The following EYS variants were observed in gnomAD, a reference collection of about 807,000 sequenced individuals.
The protein encoded by EYS is EGF-like photoreceptor maintenance factor.
Under a neutral mutation model 282.1 loss-of-function variants are expected in EYS, and 250 were observed. The observed-to-expected ratio is 0.89, with a 90% CI of 0.80 to 0.98. The LOEUF (loss-of-function observed/expected upper bound fraction) is 0.98. Ranked by LOEUF, EYS falls within the 50% of genes least tolerant of loss-of-function variation. The pLI is 0.00. For synonymous variants in EYS, 1,355 were observed against 1,282.9 expected, an observed-to-expected ratio of 1.06 and a Z score of -1.20; for missense variants, 4,016 against 3,709.0, an observed-to-expected ratio of 1.08 and a Z score of -2.15.
intron 5 of EYS, among the ~76,000 whole-genome samples, chr6:65,435,283 C>A (rs1244494161): frequency 6.6e-6 from 1 of 151,760 alleles, no homozygotes; most frequent in African/African-American, 2.4e-5. Context: ...ATGATAAAGC[C>A]TTTATGAGAC....
intron 22 of EYS, among the ~76,000 whole-genome samples, chr6:64,662,954 C>A (rs77384923): frequency 0.016 from 2,361 of 152,190 alleles, 50 homozygotes; most frequent in East Asian, 0.11. Flanking sequence ...CTGTTTATAT[C>A]TAAACACACA....
chr6:65,515,580 A>T (rs1023733207), intron 2 of EYS, among the ~76,000 whole-genome samples: 1 of 151,930 alleles, frequency 6.6e-6, no homozygotes, highest in African/African-American at 2.4e-5. Context: ...AGAAAATGTG[A>T]CACATATACA....
intron 22 of EYS, among the ~76,000 whole-genome samples, chr6:64,712,807 G>A (rs1495529): frequency 0.89 from 134,888 of 152,192 alleles, 60,085 homozygotes; most frequent in Middle Eastern, 0.94. Flanking sequence ...CAGGACCCAC[G>A]CCCTGCAAAA....
intron 31 of EYS, among the ~76,000 whole-genome samples, chr6:64,187,130 G>C (rs1158608413): frequency 6.6e-6 from 1 of 152,050 alleles, no homozygotes; most frequent in African/African-American, 2.4e-5. Flanking sequence ...GCCACGCCTT[G>C]TTAGCTTCCT....
intron 30 of EYS, among the ~76,000 whole-genome samples, chr6:64,285,652 A>G (rs1196312696): frequency 6.6e-6 from 1 of 152,216 alleles, no homozygotes; most frequent in East Asian, 1.9e-4. Flanking sequence ...ATTAATAAAA[A>G]CATACCTGAT....
At position 65,177,358 on chromosome 6, in the gene EYS, C is replaced by T. The variant is rs370382567; in HGVS notation, c.2023+118505G>A. Reference sequence around the variant, plus strand: ...AGGAATAGTTCATGGCATATACCCTCCGAAATAAAATGGGCATTATGTTAA... The same window carrying T: ...AGGAATAGTTCATGGCATATACCCTTCGAAATAAAATGGGCATTATGTTAA... On this transcript the variant is annotated intron_variant, in intron 12 of 42. Transcript: ENST00000503581. 9.7e-4 allele frequency among the ~76,000 whole-genome samples: 148 copies of T among 151,870 alleles called. 7 individuals carry two copies. The South Asian group carries it at 0.03, about 31-fold the overall frequency.
At chr6:64,083,974 G>T (rs1334163323) in intron 31 of EYS, among the ~76,000 whole-genome samples, 1 of 152,172 alleles carries the variant, frequency 6.6e-6, no homozygotes, top group South Asian at 2.1e-4. Context: ...CTGACCTCAG[G>T]TGATCCACCT....
chr6:64,447,967 T>G (rs1439878647), intron 26 of EYS, among the ~76,000 whole-genome samples: 1 of 152,206 alleles, frequency 6.6e-6, no homozygotes, highest in African/African-American at 2.4e-5. Flanking sequence ...AATCAAATCA[T>G]GCCACTTCCC....
At chr6:63,895,669 G>A (rs1773517555) in intron 35 of EYS, among the ~76,000 whole-genome samples, 1 of 152,106 alleles carries the variant, frequency 6.6e-6, no homozygotes, top group Admixed American at 6.6e-5. Context: ...CACATACAGA[G>A]TAAAATATGG....
intron 36 of EYS, among the ~76,000 whole-genome samples, chr6:63,830,370 C>A (rs924441797): frequency 1.3e-5 from 2 of 152,096 alleles, no homozygotes; most frequent in Admixed American, 1.3e-4. Flanking sequence ...TAAAGAAGAC[C>A]TTAAATGACC....
chr6:65,394,973 C>A (rs1212759429), intron 7 of EYS, among the ~76,000 whole-genome samples: 7 of 152,098 alleles, frequency 4.6e-5, no homozygotes, highest in African/African-American at 1.7e-4. Context: ...TAGTCATAGC[C>A]AACCTTCCTG....
chr6:64,685,609 A>G (rs1028043535), intron 22 of EYS, among the ~76,000 whole-genome samples: 1 of 152,052 alleles, frequency 6.6e-6, no homozygotes, highest in South Asian at 2.1e-4. Context: ...TCCCTTTCAC[A>G]TTCCTCCACG....
At chr6:65,433,774 A>G (rs1767965488) in intron 5 of EYS, among the ~76,000 whole-genome samples, 1 of 152,202 alleles carries the variant, frequency 6.6e-6, no homozygotes, top group South Asian at 2.1e-4. Flanking sequence ...ATATGCACTT[A>G]CTTTTTATTT....
chr6:65,437,262 C>CA (rs1166111615), intron 5 of EYS, among the ~76,000 whole-genome samples: 1 of 151,822 alleles, frequency 6.6e-6, no homozygotes, highest in Non-Finnish European at 1.5e-5. Context: ...TGCTCAGTGT[C>CA]AAAAATTAAT....
At chr6:65,469,928 A>T (rs909307620) in intron 5 of EYS, among the ~76,000 whole-genome samples, 2 of 152,174 alleles carry the variant, frequency 1.3e-5, no homozygotes, top group East Asian at 3.8e-4. Context: ...ATATCAAAGA[A>T]AAATGCCCAA....
intron 12 of EYS, among the ~76,000 whole-genome samples, chr6:65,233,806 G>A (rs563925730): frequency 2.2e-4 from 33 of 152,296 alleles, no homozygotes; most frequent in Non-Finnish European, 4.0e-4. Context: ...GCTAGAAGTT[G>A]TGTTTAAGCT....
chr6:65,572,480 C>T (rs1331203), intron 2 of EYS, among the ~76,000 whole-genome samples: 114,450 of 152,024 alleles, frequency 0.75, 43,931 homozygotes, highest in African/African-American at 0.91. Flanking sequence ...ATTTTTGTCA[C>T]ACATGAAAAA....
intron 30 of EYS, among the ~76,000 whole-genome samples, chr6:64,302,761 G>C (rs980949554): frequency 2.0e-5 from 3 of 152,186 alleles, no homozygotes; most frequent in South Asian, 2.1e-4. Context: ...TTAAAATTTA[G>C]ATAAATTTCA....
At chr6:65,426,256 G>C (rs1466681460) in intron 5 of EYS, among the ~76,000 whole-genome samples, 1 of 151,936 alleles carries the variant, frequency 6.6e-6, no homozygotes, top group Middle Eastern at 3.2e-3. Flanking sequence ...GATTACTTAA[G>C]GCATAAGCCA....
Sources: gnomAD v4.1 joint callset for allele counts (sites outside exome capture counted in the v4.1 genomes callset) on GRCh38, gnomAD v4.1.1 for gene constraint, MANE v1.5 for transcripts, NCBI Gene and HGNC (gene_info 2026-07-23, HGNC 2026-07-21) for gene names.